The following SUMF1 variants were observed in gnomAD, a reference collection of about 807,000 sequenced individuals.
SUMF1 encodes the protein sulfatase modifying factor 1, also known as formylglycine-generating enzyme.
A neutral mutation model predicts 47.6 loss-of-function variants in SUMF1; 48 were observed. That is an observed-to-expected ratio of 1.01 (90% CI 0.80 to 1.28). The LOEUF (loss-of-function observed/expected upper bound fraction) is 1.28, where lower values mean the gene tolerates loss of function less well. Among genes scored for constraint, SUMF1 ranks in the 50% most tolerant of loss-of-function variants. SUMF1 has a pLI of 0.00. For missense variants in SUMF1, 571 were observed against 485.4 expected, an observed-to-expected ratio of 1.18 and a Z score of -1.66; for synonymous variants, 230 against 192.1, an observed-to-expected ratio of 1.20 and a Z score of -1.63.
chr3:4,241,917 C>T (rs1696545588), intron 8 of SUMF1, among the ~76,000 whole-genome samples: 1 of 152,136 alleles, frequency 6.6e-6, no homozygotes, highest in South Asian at 2.1e-4. Flanking sequence ...ACATAACACA[C>T]AGGGAAGTTG....
rs117032963 is a variant in SUMF1 at position 4,054,224 on chromosome 3, G to A, written c.1191+14345C>T. On this transcript the variant is annotated intron_variant and NMD_transcript_variant, in intron 9 of 12. Coordinates refer to the SUMF1 transcript ENST00000448413. ...TAGTGAGAAAAAGAACTGTATATGAGCACAATTTCAACACAAAGCTCTAGT... is the reference window on the plus strand; with the variant it reads ...TAGTGAGAAAAAGAACTGTATATGAACACAATTTCAACACAAAGCTCTAGT... Among the ~76,000 whole-genome samples the A allele has an allele frequency of 3.5e-4, 54 of 152,208 alleles. 1 individual carries two copies. In the East Asian group the frequency reaches 6.9e-3, roughly 20 times the overall value.
intron 8 of SUMF1, among the ~76,000 whole-genome samples, chr3:4,155,768 T>C (rs1694438448): frequency 6.6e-6 from 1 of 151,368 alleles, no homozygotes; most frequent in East Asian, 1.9e-4. Flanking sequence ...GAAGCATCCC[T>C]GAACCTCTTC....
intron 7 of SUMF1, among the ~76,000 whole-genome samples, chr3:4,399,586 C>T (rs1010085292): frequency 2.5e-4 from 38 of 152,100 alleles, no homozygotes; most frequent in Admixed American, 8.5e-4. Flanking sequence ...TGAGACAGTG[C>T]GGGAACATTT....
chr3:4,143,334 G>C (rs894200814), intron 8 of SUMF1, among the ~76,000 whole-genome samples: 1 of 152,094 alleles, frequency 6.6e-6, no homozygotes, highest in African/African-American at 2.4e-5. Flanking sequence ...AAGTCAGGTT[G>C]CATAGCAGTA....
chr3:4,365,029 A>G (rs1357533082), intron 8 of SUMF1, among the ~76,000 whole-genome samples: 1 of 151,872 alleles, frequency 6.6e-6, no homozygotes, highest in Non-Finnish European at 1.5e-5. Context: ...AGCGGTTTTG[A>G]GTGAGTTTCT....
At chr3:4,165,277 G>C (rs1259499442) in intron 8 of SUMF1, among the ~76,000 whole-genome samples, 1 of 152,084 alleles carries the variant, frequency 6.6e-6, no homozygotes, top group Non-Finnish European at 1.5e-5. Flanking sequence ...GGCAAGATCA[G>C]GTCTACCTTG....
At chr3:4,095,037 T>C (rs1186198716) in intron 8 of SUMF1, among the ~76,000 whole-genome samples, 17 of 152,124 alleles carry the variant, frequency 1.1e-4, no homozygotes, top group Admixed American at 1.1e-3. Flanking sequence ...GAATGAAGTA[T>C]TGATGGCTAG....
At chr3:4,071,324 C>A (rs929662757) in intron 8 of SUMF1, among the ~76,000 whole-genome samples, 2 of 152,190 alleles carry the variant, frequency 1.3e-5, no homozygotes, top group East Asian at 1.9e-4. Context: ...CCACAGAGGG[C>A]GAGCCAAAGC....
rs143731610 is a variant in SUMF1 at position 4,236,256 on chromosome 3, G to A, written c.1014+140074C>T. On this transcript the variant is annotated intron_variant and NMD_transcript_variant, in intron 8 of 12. Coordinates refer to the SUMF1 transcript ENST00000448413. ...AAAAACCACATATCTAACAGAAATT[G>A]GCAAGGGATAATAAATGTGAGCTAA... Among the ~76,000 whole-genome samples, 65 of 152,130 alleles carry A rather than the reference G, an allele frequency of 4.3e-4. 2 individuals are homozygous for A. In the East Asian group the frequency reaches 0.013, roughly 29 times the overall value.
intron 8 of SUMF1, among the ~76,000 whole-genome samples, chr3:4,164,014 G>A (rs912234536): frequency 6.6e-6 from 1 of 152,072 alleles, no homozygotes; most frequent in Admixed American, 6.6e-5. Context: ...ATAGCTTGAT[G>A]GTACTGATTC....
chr3:4,137,797 G>T (rs576498811), intron 8 of SUMF1, among the ~76,000 whole-genome samples: 11 of 152,026 alleles, frequency 7.2e-5, no homozygotes, highest in African/African-American at 2.7e-4. Context: ...CTGTACTGGA[G>T]GTTCTAGCCA....
intron 8 of SUMF1, among the ~76,000 whole-genome samples, chr3:4,339,492 G>T (rs760858394): frequency 6.6e-6 from 1 of 152,126 alleles, no homozygotes; most frequent in Non-Finnish European, 1.5e-5. Context: ...TGAAGCCAAG[G>T]CAGCTTTTTA....
At chr3:4,053,802 T>C (rs1367619293) in intron 9 of SUMF1, among the ~76,000 whole-genome samples, 1 of 152,110 alleles carries the variant, frequency 6.6e-6, no homozygotes. Context: ...CGTCACTACC[T>C]CGAGGTGATC....
At chr3:4,449,731 G>C (rs1316285121) in intron 2 of SUMF1, among the ~76,000 whole-genome samples, 1 of 152,170 alleles carries the variant, frequency 6.6e-6, no homozygotes, top group Non-Finnish European at 1.5e-5. Context: ...GAATTAAATA[G>C]CACTGTTTGC....
At chr3:4,189,172 A>AT (rs1188080229) in intron 8 of SUMF1, among the ~76,000 whole-genome samples, 6 of 152,072 alleles carry the variant, frequency 3.9e-5, no homozygotes, top group African/African-American at 1.4e-4. Context: ...TAAGCTGGGG[A>AT]TTTTTTGTAT....
intron 8 of SUMF1, among the ~76,000 whole-genome samples, chr3:4,233,016 A>C (rs1192592753): frequency 1.3e-5 from 2 of 152,142 alleles, no homozygotes; most frequent in African/African-American, 2.4e-5. Flanking sequence ...AGCTGCAGTT[A>C]ACAAAAGCCT....
chr3:4,178,289 T>C (rs1407187117), intron 8 of SUMF1, among the ~76,000 whole-genome samples: 1 of 152,162 alleles, frequency 6.6e-6, no homozygotes, highest in Non-Finnish European at 1.5e-5. Context: ...GCAAAAATCC[T>C]CAATAAAATA....
intron 7 of SUMF1, among the ~76,000 whole-genome samples, chr3:4,408,505 G>A (rs1701442272): frequency 6.6e-6 from 1 of 152,164 alleles, no homozygotes; most frequent in Admixed American, 6.5e-5. Flanking sequence ...GTTAAATTAT[G>A]TTAGCCTTCA....
chr3:4,095,618 T>C (rs1692884023), intron 8 of SUMF1, among the ~76,000 whole-genome samples: 1 of 152,104 alleles, frequency 6.6e-6, no homozygotes, highest in Non-Finnish European at 1.5e-5. Flanking sequence ...GCATGTCTAC[T>C]ACAAGATGCT....
Sources: gnomAD v4.1 joint callset for allele counts (sites outside exome capture counted in the v4.1 genomes callset) on GRCh38, gnomAD v4.1.1 for gene constraint, MANE v1.5 for transcripts, NCBI Gene and HGNC (gene_info 2026-07-23, HGNC 2026-07-21) for gene names.